CARF: variants seen among roughly 807,000 people sequenced by gnomAD.
CARF encodes calcium-responsive transcription factor.
Under a neutral mutation model 82.0 loss-of-function variants are expected in CARF, and 57 were observed. The ratio of observed to expected loss-of-function variants is 0.70; its 90% CI spans 0.56 to 0.87. The LOEUF (loss-of-function observed/expected upper bound fraction) is 0.87. CARF is among the 40% of genes least tolerant of loss of function. The probability of loss-of-function intolerance (pLI) is 0.00; values close to 1 mark genes in which losing one functional copy is unlikely to be tolerated. For synonymous variants in CARF, 268 were observed against 290.1 expected (o/e 0.92, Z 0.77); for missense variants, 771 against 855.8 (o/e 0.90, Z 1.24).
chr2:202,982,250 C>T lies in CARF; in HGVS notation c.1868C>T (p.Thr623Ile), dbSNP rs757864903. Residue 623 changes from threonine (T) to isoleucine (I), a missense_variant, in exon 16 of 17, where the codon ACC becomes ATC. Transcript: ENST00000438828. ...AGCCTTCAAAGAGATACATGCTTAACCCAAAACAATAGTACTGCCTCCACC... is the reference window on the plus strand; with the variant it reads ...AGCCTTCAAAGAGATACATGCTTAATCCAAAACAATAGTACTGCCTCCACC... The part of the protein sequence containing the change: ...SHSLQRDTCL[T>I]QNNSTASTMG... 2 of 1,614,024 alleles carry T rather than the reference C, an allele frequency of 1.2e-6. No individual in the cohort carries two copies. The highest frequency in any genetic ancestry group is 1.7e-6 in the Non-Finnish European group (2 of 1,179,996).
In CARF at chr2:202,983,593, CTG is replaced by C. The variant is rs761636667; in HGVS notation, c.2150_2151del (p.Val717GlyfsTer3). On this transcript the variant is annotated frameshift_variant, in exon 17 of 17. Transcript: ENST00000438828. LOFTEE classifies it high-confidence loss of function. ...GCATTGTCTATGGAAGCAAAAAAAA[CTG>C]TGGACTATAAGAAATTATCTGCTAC... 1.1e-5 allele frequency: 17 copies of C among 1,602,890 alleles called. No individual in the cohort carries two copies. The highest frequency in any genetic ancestry group is 9.4e-5 in the African/African-American group (7 of 74,530).
chr2:202,980,215 C>T (rs1200288753), intron 14 of CARF, among the ~76,000 whole-genome samples: 2 of 152,106 alleles, frequency 1.3e-5, no homozygotes, highest in East Asian at 1.9e-4. Context: ...GCTCTGGCCT[C>T]CTAAAGTGCT....
In CARF at chr2:202,984,519, A is replaced by C. The variant is rs1292269023; in HGVS notation, c.*895A>C. The C allele has an allele frequency of 6.6e-6, 1 of 152,198 alleles. No individual in the cohort carries two copies. Among genetic ancestry groups the C allele is most frequent in the Non-Finnish European group, 1.5e-5 (1 of 68,024 alleles). 9.4% of individuals were successfully genotyped at this position (152,198 alleles called of 1,614,324 possible). A position where few individuals can be genotyped will look rare whatever the true frequency, so the allele number is the denominator to read the frequency against. On this transcript the variant is annotated 3_prime_UTR_variant, in exon 17 of 17. Coordinates refer to ENST00000438828, the MANE Select transcript of CARF (RefSeq NM_024744.17). ...TTTTTTCCCCCTTATTTTGTAATGA[A>C]GATCCAGCACTGGTTAAAAAATAAT...
chr2:202,949,376 T>C (rs1314969327), intron 5 of CARF, among the ~76,000 whole-genome samples: 1 of 151,494 alleles, frequency 6.6e-6, no homozygotes, highest in African/African-American at 2.4e-5. Context: ...TCTCACTCTG[T>C]CACCTAGGCT....
intron 5 of CARF, among the ~76,000 whole-genome samples, chr2:202,952,052 C>T (rs1191473403): frequency 2.0e-5 from 3 of 151,934 alleles, no homozygotes; most frequent in African/African-American, 4.8e-5. Flanking sequence ...AGGCTGGTCT[C>T]GAACTCCTGA....
At chr2:202,919,596 G>A (rs1690403617) in intron 2 of CARF, among the ~76,000 whole-genome samples, 1 of 152,188 alleles carries the variant, frequency 6.6e-6, no homozygotes, top group Admixed American at 6.5e-5. Context: ...TTACGGTACT[G>A]CTTCTAATTA....
At chr2:202,972,200 G>A (rs1025598504) in intron 12 of CARF, among the ~76,000 whole-genome samples, 1 of 151,670 alleles carries the variant, frequency 6.6e-6, no homozygotes, top group Admixed American at 6.6e-5. Flanking sequence ...TTGATCCTCA[G>A]GAAATAATAA....
intron 8 of CARF, among the ~76,000 whole-genome samples, chr2:202,959,639 C>T (rs373062479): frequency 9.9e-5 from 15 of 152,048 alleles, no homozygotes; most frequent in South Asian, 6.2e-4. Flanking sequence ...GTCAACATGG[C>T]GAAACCCTGT....
At position 202,953,864 on chromosome 2, in the gene CARF, C is replaced by T. The variant is rs899847507; in HGVS notation, c.428-141C>T. The T allele has an allele frequency of 4.6e-5, 26 of 562,754 alleles. No individual in the cohort carries two copies. In the Admixed American group the frequency reaches 5.1e-4, roughly 11 times the overall value. 34.9% of individuals were successfully genotyped at this position (562,754 alleles called of 1,614,324 possible). On this transcript the variant is annotated intron_variant, in intron 6 of 16. Coordinates refer to ENST00000438828, the MANE Select transcript of CARF (RefSeq NM_024744.17). ...AAAGTAAACAAGTATCAGAGAAATT[C>T]TCAATAAAGCATTATTCCTTTACTC...
intron 3 of CARF, among the ~76,000 whole-genome samples, chr2:202,929,666 A>G (rs1692509435): frequency 6.6e-6 from 1 of 152,152 alleles, no homozygotes; most frequent in Admixed American, 6.6e-5. Context: ...TGGCTAGTCA[A>G]GGTCTTTTGT....
chr2:202,942,873 A>G lies in CARF; in HGVS notation c.212A>G (p.Gln71Arg), dbSNP rs2058298463. The change falls in exon 5 of 17, where the codon CAG becomes CGG. Residue 71 changes from glutamine to arginine, a missense_variant. Transcript: ENST00000438828. ...ATACCAGGGCCCCTGACTCAGACAC[A>G]GACTCTTTCTGCAGAGCAATTCCAT... is the stretch of plus-strand genomic sequence containing the variant. The part of the protein sequence containing the change: ...QNIPGPLTQT[Q>R]TLSAEQFHLV... 6.2e-7 allele frequency: 1 copy of G among 1,614,182 alleles called. No homozygotes were observed. The highest frequency in any genetic ancestry group is 1.1e-5 in the South Asian group (1 of 91,086).
chr2:202,937,774 G>A (rs907814770), intron 3 of CARF, among the ~76,000 whole-genome samples: 2 of 151,832 alleles, frequency 1.3e-5, no homozygotes, highest in African/African-American at 2.4e-5. Flanking sequence ...ATAGGCGTGC[G>A]CCACCACGCC....
chr2:202,986,867 CGTATATATATATATATATATATATATAT>C lies in CARF; in HGVS notation c.*3244_*3271del, dbSNP rs1338922222. 1.4e-4 allele frequency: 8 copies of C among 56,690 alleles called. No homozygotes were observed. Among genetic ancestry groups the C allele is most frequent in the South Asian group, 5.5e-4 (1 of 1,830 alleles). 3.5% of individuals were successfully genotyped at this position (56,690 alleles called of 1,614,324 possible). A position where few individuals can be genotyped will look rare whatever the true frequency, so the allele number is the denominator to read the frequency against. On this transcript the variant is annotated 3_prime_UTR_variant, in exon 17 of 17. Transcript: ENST00000438828. ...AAAAGAGGTTTAAAAAATGTCTGTG[CGTATATATATATATATATATATATATAT>C]ATATATATATATAGCAACTTGATGT...
At chr2:202,982,916 C>T (rs753824909) in intron 16 of CARF, among the ~76,000 whole-genome samples, 1 of 152,144 alleles carries the variant, frequency 6.6e-6, no homozygotes, top group African/African-American at 2.4e-5. Context: ...GACAGAGTCT[C>T]ATTCTGTCAC....
intron 1 of CARF, among the ~76,000 whole-genome samples, chr2:202,916,779 G>A (rs1284850522): frequency 5.9e-5 from 9 of 152,144 alleles, no homozygotes. Flanking sequence ...TGATAGAATT[G>A]CTGTTGAATA....
chr2:202,953,498 G>GTTTTTTTTTTGTTT, intron 6 of CARF, among the ~76,000 whole-genome samples: 1 of 70,294 alleles, frequency 1.4e-5, no homozygotes, highest in Non-Finnish European at 2.5e-5. Flanking sequence ...TTTTTTTGTT[G>GTTTTTTTTTTGTTT]TTTTTTTTTT....
intron 3 of CARF, among the ~76,000 whole-genome samples, chr2:202,934,105 G>A (rs545757451): frequency 1.9e-4 from 29 of 152,210 alleles, no homozygotes; most frequent in African/African-American, 5.1e-4. Flanking sequence ...ATGAATTTGC[G>A]TTGGGCTGCA....
At chr2:202,958,661 C>CT in intron 8 of CARF, among the ~76,000 whole-genome samples, 1 of 152,148 alleles carries the variant, frequency 6.6e-6, no homozygotes, top group Admixed American at 6.5e-5. Context: ...TCTGTCAGTA[C>CT]TTTAGGAGGT....
intron 2 of CARF, among the ~76,000 whole-genome samples, chr2:202,922,314 A>C (rs1208009762): frequency 3.3e-5 from 5 of 152,030 alleles, no homozygotes; most frequent in Non-Finnish European, 7.4e-5. Flanking sequence ...TGGGGGTCTC[A>C]CTATGTCAGC....
Sources: allele counts gnomAD v4.1 joint callset (sites outside exome capture counted in the v4.1 genomes callset), GRCh38; gene constraint gnomAD v4.1.1; transcripts MANE v1.5; gene names NCBI Gene and HGNC (gene_info 2026-07-23, HGNC 2026-07-21).